Variants in PAK3 observed in about 807,000 individuals in gnomAD.
PAK3 encodes the protein serine/threonine-protein kinase PAK 3.
In PAK3, 4 loss-of-function variants were observed where a neutral mutation model predicts 41.0. The observed-to-expected ratio is 0.10, with a 90% CI of 0.05 to 0.22. The LOEUF (loss-of-function observed/expected upper bound fraction) is 0.22, where lower values mean the gene tolerates loss of function less well. PAK3 is among the 10% of genes least tolerant of loss of function. The probability of loss-of-function intolerance (pLI) is 1.00; values close to 1 mark genes in which losing one functional copy is unlikely to be tolerated. For missense variants in PAK3, 205 were observed against 409.9 expected, an observed-to-expected ratio of 0.50 and a Z score of 4.32; for synonymous variants, 146 against 139.6, an observed-to-expected ratio of 1.05 and a Z score of -0.32.
At chrX:111,209,755 T>C (rs968344020) in intron 16 of PAK3, among the ~76,000 whole-genome samples, 1 of 112,454 alleles carries the variant, frequency 8.9e-6, no homozygotes, top group Non-Finnish European at 1.9e-5. Flanking sequence ...ACTGTTGTAA[T>C]GAACTGAAGT....
chrX:110,975,507 T>A (rs1409070751), intron 1 of PAK3, among the ~76,000 whole-genome samples: 1 of 111,888 alleles, frequency 8.9e-6, no homozygotes, highest in Non-Finnish European at 1.9e-5. Flanking sequence ...ATAGGAAGAA[T>A]CAATATCATG....
At chrX:111,125,848 C>A (rs1181789604) in intron 5 of PAK3, among the ~76,000 whole-genome samples, 1 of 111,479 alleles carries the variant, frequency 9.0e-6, no homozygotes, top group African/African-American at 3.3e-5. Flanking sequence ...CAAGTAGTAC[C>A]ATTTAAATAC....
intron 1 of PAK3, among the ~76,000 whole-genome samples, chrX:111,018,477 C>T (rs1344733960): frequency 2.7e-5 from 3 of 110,790 alleles, no homozygotes; most frequent in Non-Finnish European, 3.8e-5. Flanking sequence ...ATGAAGAAAA[C>T]GATTTCATTT....
chrX:111,125,725 A>G (rs1055702399), intron 5 of PAK3, among the ~76,000 whole-genome samples: 1 of 111,666 alleles, frequency 9.0e-6, no homozygotes, highest in African/African-American at 3.3e-5. Flanking sequence ...TGGACAGCTG[A>G]TAAAACTACC....
chrX:111,216,830 T>G, intron 17 of PAK3: 1 of 427,896 alleles, frequency 2.3e-6, no homozygotes, highest in Non-Finnish European at 2.9e-6. Flanking sequence ...AATGTGACCC[T>G]CTGGTGTTGG....
chrX:111,084,263 T>A (rs967547917), intron 1 of PAK3, among the ~76,000 whole-genome samples: 12 of 112,330 alleles, frequency 1.1e-4, no homozygotes, highest in African/African-American at 3.6e-4. Context: ...TTTGTAGGCA[T>A]CTGGAGGGCA....
intron 1 of PAK3, among the ~76,000 whole-genome samples, chrX:111,080,677 G>C (rs1347161877): frequency 9.0e-6 from 1 of 111,313 alleles, no homozygotes; most frequent in Non-Finnish European, 1.9e-5. Flanking sequence ...CAGTATGGAG[G>C]GTCCACAAAA....
At chrX:111,158,531 C>T (rs2094135138) in intron 8 of PAK3, among the ~76,000 whole-genome samples, 3 of 111,329 alleles carry the variant, frequency 2.7e-5, no homozygotes, top group Admixed American at 1.9e-4. Context: ...TTCTCAGTAC[C>T]AAAGATTGCT....
At chrX:111,072,186 G>A (rs79889848) in intron 1 of PAK3, among the ~76,000 whole-genome samples, 1 of 112,453 alleles carries the variant, frequency 8.9e-6, no homozygotes, top group Admixed American at 9.4e-5. Flanking sequence ...TAATGTGTCT[G>A]AATATCAGTT....
chrX:111,199,813 C>T (rs1010213453), intron 16 of PAK3, among the ~76,000 whole-genome samples: 1 of 111,822 alleles, frequency 8.9e-6, no homozygotes, highest in East Asian at 2.8e-4. Context: ...AGAAAAACTT[C>T]ATTTCACAAC....
intron 1 of PAK3, among the ~76,000 whole-genome samples, chrX:111,015,906 A>G (rs1161993296): frequency 8.9e-6 from 1 of 112,280 alleles, no homozygotes; most frequent in Non-Finnish European, 1.9e-5. Flanking sequence ...CTCTCATTCA[A>G]TGGGTTGCTC....
At chrX:111,192,858 C>T (rs1332179886) in intron 13 of PAK3, among the ~76,000 whole-genome samples, 5 of 111,727 alleles carry the variant, frequency 4.5e-5, no homozygotes, top group African/African-American at 9.8e-5. Flanking sequence ...AATCATAGCT[C>T]CATTTTGGCA....
chrX:111,023,028 C>T (rs961946303), intron 1 of PAK3, among the ~76,000 whole-genome samples: 5 of 110,548 alleles, frequency 4.5e-5, no homozygotes, highest in African/African-American at 1.6e-4. Context: ...TCTCCTAATG[C>T]TATCCCTCCC....
intron 4 of PAK3, among the ~76,000 whole-genome samples, chrX:111,106,294 G>A (rs184819332): frequency 3.6e-5 from 4 of 112,063 alleles, no homozygotes; most frequent in African/African-American, 1.3e-4. Flanking sequence ...ATTCATGCTA[G>A]CACATACCAC....
intron 1 of PAK3, among the ~76,000 whole-genome samples, chrX:111,067,651 C>T (rs1293083176): frequency 2.7e-5 from 3 of 111,683 alleles, no homozygotes; most frequent in Non-Finnish European, 5.7e-5. Flanking sequence ...TGTGATTTGT[C>T]TCTTAGTCTA....
chrX:111,138,814 G>A (rs942923186), intron 5 of PAK3, among the ~76,000 whole-genome samples: 1 of 111,015 alleles, frequency 9.0e-6, no homozygotes, highest in Non-Finnish European at 1.9e-5. Context: ...TAACTTATGG[G>A]TAATAGGGGA....
intron 1 of PAK3, among the ~76,000 whole-genome samples, chrX:110,975,596 T>C (rs920654644): frequency 3.6e-5 from 4 of 111,794 alleles, no homozygotes; most frequent in African/African-American, 1.3e-4. Context: ...CTTCACAGAA[T>C]TGGAAAAAAC....
intron 1 of PAK3, among the ~76,000 whole-genome samples, chrX:111,057,147 C>T (rs758821373): frequency 7.1e-4 from 79 of 111,353 alleles, no homozygotes; most frequent in African/African-American, 2.3e-3. Context: ...AAAAAGTGGG[C>T]AAAGGACATG....
intron 11 of PAK3, among the ~76,000 whole-genome samples, chrX:111,179,289 C>A (rs1251080729): frequency 9.1e-6 from 1 of 109,938 alleles, no homozygotes; most frequent in East Asian, 2.8e-4. Context: ...ACATATAATT[C>A]TGTTCGTGGA....
Sources: gnomAD v4.1 joint callset for allele counts (sites outside exome capture counted in the v4.1 genomes callset) on GRCh38, gnomAD v4.1.1 for gene constraint, MANE v1.5 for transcripts, NCBI Gene and HGNC (gene_info 2026-07-23, HGNC 2026-07-21) for gene names.